SYNE1: variants seen among roughly 807,000 people sequenced by gnomAD.
SYNE1 encodes spectrin repeat containing nuclear envelope protein 1.
In SYNE1, 616 loss-of-function variants were observed where a neutral mutation model predicts 1,111.0. That is an observed-to-expected ratio of 0.55 (90% CI 0.52 to 0.59). SYNE1 has a LOEUF of 0.59. SYNE1 is among the 20% of genes least tolerant of loss of function. The pLI is 0.00. For synonymous variants in SYNE1, 3,855 were observed against 3,825.8 expected, an observed-to-expected ratio of 1.01 and a Z score of -0.28; for missense variants, 10,006 against 10,417.0, an observed-to-expected ratio of 0.96 and a Z score of 1.72.
intron 14 of SYNE1, chr6:152,481,089 T>C (rs182560407): frequency 1.1e-4 from 27 of 242,520 alleles, no homozygotes; most frequent in African/African-American, 5.4e-4. Context: ...GAGATACTAC[T>C]GTCTATAGTG....
At chr6:152,177,263 C>G (rs1044879846) in intron 129 of SYNE1, among the ~76,000 whole-genome samples, 1 of 152,138 alleles carries the variant, frequency 6.6e-6, no homozygotes, top group African/African-American at 2.4e-5. Context: ...TCCATATGGA[C>G]TATTTGCAAG....
At chr6:152,294,904 A>G (rs2094795369) in intron 93 of SYNE1, among the ~76,000 whole-genome samples, 1 of 152,146 alleles carries the variant, frequency 6.6e-6, no homozygotes, top group Admixed American at 6.6e-5. Context: ...TCTGTATTTC[A>G]GTAGAAATTT....
In SYNE1 at chr6:152,451,585, C is replaced by T. The variant is rs1020862464; in HGVS notation, c.3028-380G>A. ...GCAACCTCCACATCCTGGGTTCAAG[C>T]GATTCTCCTGTCTCAGCCTCCTGAG... is the stretch of plus-strand genomic sequence containing the variant. On this transcript the variant is annotated intron_variant, in intron 25 of 145. Transcript: ENST00000367255. 4.8e-5 allele frequency among the ~76,000 whole-genome samples: 7 copies of T among 145,878 alleles called. No homozygotes were observed. The South Asian group carries it at 6.5e-4, about 14-fold the overall frequency.
chr6:152,241,500 C>CTGTGTG (rs1231628952), intron 107 of SYNE1, among the ~76,000 whole-genome samples: 152 of 74,160 alleles, frequency 2.0e-3, no homozygotes, highest in Middle Eastern at 0.015. Context: ...AATGCAAGAG[C>CTGTGTG]TGTGTGTGTG....
chr6:152,628,086 T>C (rs938783987), intron 3 of SYNE1, among the ~76,000 whole-genome samples, 179 bp downstream of exon 3: 1 of 147,082 alleles, frequency 6.8e-6, no homozygotes, highest in African/African-American at 2.5e-5. Context: ...TTTCCTTCTA[T>C]GTAATGAATA....
intron 59 of SYNE1, among the ~76,000 whole-genome samples, chr6:152,372,038 C>G (rs1171362626): frequency 1.3e-5 from 2 of 152,110 alleles, no homozygotes; most frequent in Non-Finnish European, 2.9e-5. Context: ...CTGAGGGGAA[C>G]AGCAGATTAA....
chr6:152,323,116 A>C (rs905799390), intron 82 of SYNE1, among the ~76,000 whole-genome samples: 1 of 152,176 alleles, frequency 6.6e-6, no homozygotes, highest in African/African-American at 2.4e-5. Context: ...GCACCTTCAT[A>C]CTTCATAACC....
In SYNE1 at chr6:152,310,808, G is replaced by T; in HGVS notation, c.16776C>A (p.Tyr5592Ter). 1.2e-6 allele frequency: 2 copies of T among 1,614,076 alleles called. No individual in the cohort carries two copies. Among genetic ancestry groups the T allele is most frequent in the Non-Finnish European group, 1.7e-6 (2 of 1,180,020 alleles). ...TTTCTGTACAGTACACGCTAGTGAGGTACTGTAATTTCTCAGTCATTGCTT... is the reference window on the plus strand; with the variant it reads ...TTTCTGTACAGTACACGCTAGTGAGTTACTGTAATTTCTCAGTCATTGCTT... Reference protein sequence around the residue: ...ELEAMTEKLQYLTSVYCTEKM... With the variant: ...ELEAMTEKLQ The change falls in exon 88 of 146, where the codon TAC (tyrosine) becomes TAA (stop). Residue 5592 changes from tyrosine to a stop codon, truncating the protein, a stop_gained. Transcript: ENST00000367255. LOFTEE classifies it high-confidence loss of function.
chr6:152,181,243 C>T (rs538382231), intron 128 of SYNE1, among the ~76,000 whole-genome samples: 7 of 108,166 alleles, frequency 6.5e-5, no homozygotes, highest in Non-Finnish European at 1.4e-4. Context: ...GAAACCCCAT[C>T]TCTATTAAAA....
rs558580863 is a variant in SYNE1, at chr6:152,143,141, G to C, written c.25119+482C>G. The stretch of plus-strand genomic sequence containing the variant: ...GCTATCTTTTCCCCAAATCCCTCTT[G>C]CTAGAACTGTTTTCTTCAGAATGAG... On this transcript the variant is annotated intron_variant, in intron 138 of 145. Coordinates refer to ENST00000367255, the MANE Select transcript of SYNE1 (RefSeq NM_182961.4). 5.9e-5 allele frequency among the ~76,000 whole-genome samples: 9 copies of C among 152,228 alleles called. No homozygotes were observed. The South Asian group carries it at 1.9e-3, about 32-fold the overall frequency.
chr6:152,355,126 A>G (rs963460356), intron 66 of SYNE1, 150 bp from the exon 67 acceptor site: 2 of 826,236 alleles, frequency 2.4e-6, no homozygotes, highest in Non-Finnish European at 3.8e-6. Flanking sequence ...ATATGTCCCT[A>G]ACCATATTTT....
At chr6:152,194,011 GAA>G (rs139484534) in intron 127 of SYNE1, among the ~76,000 whole-genome samples, 420 of 134,160 alleles carry the variant, frequency 3.1e-3, no homozygotes, top group Middle Eastern at 0.023. Context: ...AGACTGTCTC[GAA>G]AAAAAAAAAA....
chr6:152,615,921 C>T (rs987610589), intron 3 of SYNE1, among the ~76,000 whole-genome samples: 9 of 152,118 alleles, frequency 5.9e-5, no homozygotes, highest in Admixed American at 5.2e-4. Context: ...AAATTTTCAC[C>T]GGTGTTTTTG....
chr6:152,554,571 T>C (rs896138526), intron 3 of SYNE1, among the ~76,000 whole-genome samples: 1 of 152,282 alleles, frequency 6.6e-6, no homozygotes, highest in East Asian at 1.9e-4. Flanking sequence ...TTTATCAGTT[T>C]CTTACTAATT....
At chr6:152,302,206 C>G (rs1378751772) in intron 91 of SYNE1, 143 bp from the exon 92 acceptor site, 1 of 1,073,670 alleles carries the variant, frequency 9.3e-7, no homozygotes, top group Non-Finnish European at 1.4e-6. Flanking sequence ...GCGGCGAGTC[C>G]TCCTGCATCT....
intron 14 of SYNE1, among the ~76,000 whole-genome samples, chr6:152,473,936 C>T (rs1253268468): frequency 2.0e-5 from 3 of 152,230 alleles, no homozygotes; most frequent in Non-Finnish European, 2.9e-5. Context: ...CTGTAATCCC[C>T]GCACTTTGGG....
chr6:152,195,264 T>C (rs1465302340), intron 127 of SYNE1, among the ~76,000 whole-genome samples: 1 of 152,230 alleles, frequency 6.6e-6, no homozygotes, highest in Non-Finnish European at 1.5e-5. Context: ...GTTGCATATA[T>C]CTGTCTCTCC....
intron 38 of SYNE1, among the ~76,000 whole-genome samples, chr6:152,427,451 A>G (rs2098377650): frequency 1.3e-5 from 2 of 152,064 alleles, no homozygotes; most frequent in Admixed American, 1.3e-4. Context: ...GCATTACATT[A>G]CAGGATTTTC....
At chr6:152,375,446 C>T (rs1266537883) in intron 58 of SYNE1, among the ~76,000 whole-genome samples, 1 of 152,168 alleles carries the variant, frequency 6.6e-6, no homozygotes, top group Non-Finnish European at 1.5e-5. Context: ...ATTTCATAAC[C>T]AATCACTCAG....
Sources: allele counts gnomAD v4.1 joint callset (sites outside exome capture counted in the v4.1 genomes callset), GRCh38; gene constraint gnomAD v4.1.1; transcripts MANE v1.5; gene names NCBI Gene and HGNC (gene_info 2026-07-23, HGNC 2026-07-21).